KIF4A: variants seen among roughly 807,000 people sequenced by gnomAD.
KIF4A encodes the protein chromosome-associated kinesin KIF4A.
A neutral mutation model predicts 105.9 loss-of-function variants in KIF4A; 7 were observed. The ratio of observed to expected loss-of-function variants is 0.07; its 90% CI spans 0.04 to 0.12. The LOEUF (loss-of-function observed/expected upper bound fraction) is 0.12, where lower values mean the gene tolerates loss of function less well. Among genes scored for constraint, KIF4A ranks in the 10% least tolerant of loss-of-function variants. KIF4A has a pLI of 1.00. For synonymous variants in KIF4A, 281 were observed against 331.3 expected (o/e 0.85, Z 1.65); for missense variants, 558 against 929.2 (o/e 0.60, Z 5.19).
At chrX:70,331,469 A>G (rs1394175564) in intron 9 of KIF4A, among the ~76,000 whole-genome samples, 2 of 111,720 alleles carry the variant, frequency 1.8e-5, no homozygotes, top group Non-Finnish European at 3.8e-5. Flanking sequence ...ACTGTAGTAT[A>G]TTAAATGTGC....
chrX:70,309,660 T>C (rs768119840), intron 7 of KIF4A, among the ~76,000 whole-genome samples: 2 of 112,812 alleles, frequency 1.8e-5, no homozygotes, highest in Non-Finnish European at 3.7e-5. Flanking sequence ...TATGCATAAA[T>C]TGTGAAATGA....
In KIF4A at chrX:70,302,298, T is replaced by C; in HGVS notation, c.684-6T>C. The stretch of plus-strand genomic sequence containing the variant: ...TTCTCACTGTGTCTTCCTTTCATTA[T>C]CACAGGAATAGCAGCTTTCGCTCCA... On this transcript the variant is annotated splice_region_variant and splice_polypyrimidine_tract_variant and intron_variant, in intron 6 of 30. Transcript: ENST00000374403. The C allele has an allele frequency of 8.3e-7, 1 of 1,209,766 alleles. No homozygotes were observed. Among genetic ancestry groups the C allele is most frequent in the Non-Finnish European group, 1.1e-6 (1 of 894,179 alleles).
intron 22 of KIF4A, among the ~76,000 whole-genome samples, chrX:70,400,676 A>G (rs2086277903): frequency 2.7e-5 from 3 of 112,379 alleles, no homozygotes; most frequent in Admixed American, 1.9e-4. Flanking sequence ...AGAGATTTGC[A>G]AAAGTGTAAA....
intron 15 of KIF4A, among the ~76,000 whole-genome samples, chrX:70,370,538 T>C (rs2086126630): frequency 9.2e-6 from 1 of 108,952 alleles, no homozygotes; most frequent in Admixed American, 9.9e-5. Context: ...ATATCATATA[T>C]ATTCTGTATG....
At chrX:70,410,591 C>T (rs890126064) in intron 28 of KIF4A, among the ~76,000 whole-genome samples, 1 of 111,848 alleles carries the variant, frequency 8.9e-6, no homozygotes, top group Admixed American at 9.5e-5. Flanking sequence ...AGTTTTTCCA[C>T]GGACTGGTTG....
At position 70,364,986 on chromosome X, in the gene KIF4A, T is replaced by C. The variant is rs745760048; in HGVS notation, c.1675-9165T>C. Among the ~76,000 whole-genome samples the C allele has an allele frequency of 7.3e-3, 811 of 111,429 alleles. 8 individuals are homozygous for C. Among genetic ancestry groups the C allele is most frequent in the Non-Finnish European group, 0.01 (552 of 53,043 alleles). ...CCTTGTAAGTTGGATTCCTAGGTAT[T>C]TTATTCTCTTTGAAGCCATTGTGAA... is the stretch of plus-strand genomic sequence containing the variant. On this transcript the variant is annotated intron_variant, in intron 15 of 30. Transcript: ENST00000374403.
chrX:70,405,680 C>T (rs988123315), intron 25 of KIF4A, 148 bp from the exon 26 acceptor site: 1 of 474,067 alleles, frequency 2.1e-6, no homozygotes, highest in Non-Finnish European at 3.8e-6. Flanking sequence ...GGGAATCAGA[C>T]ATTTTTCTGG....
intron 13 of KIF4A, among the ~76,000 whole-genome samples, chrX:70,348,870 C>T (rs772045404): frequency 5.1e-4 from 57 of 112,651 alleles, no homozygotes; most frequent in Non-Finnish European, 9.2e-4. Context: ...GCTGTCTCTT[C>T]AGAGCTGTTG....
intron 11 of KIF4A, 100 bp from the exon 12 acceptor site, chrX:70,343,603 C>T: frequency 1.4e-6 from 1 of 710,915 alleles, no homozygotes; most frequent in Admixed American, 2.8e-5. Context: ...GCAAAGGAGA[C>T]AGCCTCTCTA....
intron 10 of KIF4A, among the ~76,000 whole-genome samples, chrX:70,339,646 A>T (rs1263193511): frequency 8.8e-6 from 1 of 113,025 alleles, no homozygotes; most frequent in Non-Finnish European, 1.9e-5. Flanking sequence ...GAGACATTTT[A>T]TAAGGCTTGT....
intron 15 of KIF4A, among the ~76,000 whole-genome samples, chrX:70,365,816 C>T (rs774992402): frequency 1.8e-3 from 199 of 111,470 alleles, no homozygotes; most frequent in African/African-American, 5.6e-3. Context: ...TCAGAAGCAG[C>T]GGTACCAGCT....
At position 70,349,468 on chromosome X, in the gene KIF4A, G is replaced by A. The variant is rs759886763; in HGVS notation, c.1432-3132G>A. 4.0e-3 allele frequency among the ~76,000 whole-genome samples: 404 copies of A among 100,794 alleles called. 5 individuals are homozygous for A. The highest frequency in any genetic ancestry group is 0.014 in the African/African-American group (378 of 26,815). The allele number at this position is 100,794 out of a possible 115,157, so 87.5% of individuals were successfully genotyped here. A position where few individuals can be genotyped will look rare whatever the true frequency, so the allele number is the denominator to read the frequency against. On this transcript the variant is annotated intron_variant, in intron 13 of 30. Transcript: ENST00000374403. ...TCCCCACTTCCCTGACGGGGCGGCC[G>A]GGCAGAGACGCTCCTCTCTTCCCAG...
chrX:70,355,026 G>A lies in KIF4A; in HGVS notation c.1674+1219G>A, dbSNP rs769638181. Among the ~76,000 whole-genome samples, 4 of 111,252 alleles carry A rather than the reference G, an allele frequency of 3.6e-5. No individual in the cohort carries two copies. In the South Asian group the frequency reaches 1.5e-3, roughly 43 times the overall value. ...TTAGGATTCTTTCCATTTGAAGAGG[G>A]GCCATCTGGTCTATGGTGAGGTTCC... On this transcript the variant is annotated intron_variant, in intron 15 of 30. Transcript: ENST00000374403.
chrX:70,338,744 C>T (rs931303396), intron 10 of KIF4A, among the ~76,000 whole-genome samples: 4 of 111,561 alleles, frequency 3.6e-5, no homozygotes, highest in Non-Finnish European at 5.6e-5. Context: ...ACATTCTCCC[C>T]ATGCCTCTGG....
At chrX:70,298,441 C>G (rs1451876041) in intron 4 of KIF4A, among the ~76,000 whole-genome samples, 1 of 109,591 alleles carries the variant, frequency 9.1e-6, no homozygotes, top group Non-Finnish European at 1.9e-5. Flanking sequence ...CTATGTTGCC[C>G]AGGCTGGTGA....
chrX:70,320,307 C>T (rs1419299916), intron 7 of KIF4A, among the ~76,000 whole-genome samples: 1 of 111,938 alleles, frequency 8.9e-6, no homozygotes, highest in Non-Finnish European at 1.9e-5. Context: ...TCCTAGAAGG[C>T]ATTCTATTCT....
intron 28 of KIF4A, among the ~76,000 whole-genome samples, chrX:70,411,129 T>C (rs1377727898): frequency 9.0e-6 from 1 of 111,161 alleles, no homozygotes; most frequent in African/African-American, 3.3e-5. Context: ...GCCTCTACCT[T>C]ACTGATGAAG....
chrX:70,365,438 A>T (rs1463051268), intron 15 of KIF4A, among the ~76,000 whole-genome samples: 1 of 111,750 alleles, frequency 8.9e-6, no homozygotes, highest in East Asian at 2.8e-4. Context: ...ATTTAATGAG[A>T]GTTTTTAGCA....
At chrX:70,412,965 G>A (rs2086328299) in intron 28 of KIF4A, among the ~76,000 whole-genome samples, 1 of 110,816 alleles carries the variant, frequency 9.0e-6, no homozygotes, top group Admixed American at 9.7e-5. Context: ...TTGCTATTAG[G>A]AATATAAATT....
Sources: gnomAD v4.1 joint callset for allele counts (sites outside exome capture counted in the v4.1 genomes callset) on GRCh38, gnomAD v4.1.1 for gene constraint, MANE v1.5 for transcripts, NCBI Gene and HGNC (gene_info 2026-07-23, HGNC 2026-07-21) for gene names.